NR2F1-AS1: variants seen among roughly 807,000 people sequenced by gnomAD.
NR2F1-AS1 encodes NR2F1 antisense RNA 1.
At chr5:93,478,425 A>G (rs1349608935) in intron 4 of NR2F1-AS1, among the ~76,000 whole-genome samples, 1 of 152,066 alleles carries the variant, frequency 6.6e-6, no homozygotes, top group Non-Finnish European at 1.5e-5. Flanking sequence ...GTTTGTTTTG[A>G]GACAGTCTTG....
intron 4 of NR2F1-AS1, among the ~76,000 whole-genome samples, chr5:93,484,232 A>G (rs943969118): frequency 6.6e-6 from 1 of 152,214 alleles, no homozygotes; most frequent in African/African-American, 2.4e-5. Context: ...AGGGAAGCCC[A>G]TCAGACTAAC....
intron 2 of NR2F1-AS1, among the ~76,000 whole-genome samples, chr5:93,555,669 A>G (rs1247119085): frequency 2.0e-5 from 3 of 152,172 alleles, no homozygotes; most frequent in Non-Finnish European, 4.4e-5. Context: ...GGCTTGACCT[A>G]ATGGTATATG....
At chr5:93,480,224 A>G (rs575130699) in intron 4 of NR2F1-AS1, among the ~76,000 whole-genome samples, 1 of 152,354 alleles carries the variant, frequency 6.6e-6, no homozygotes, top group African/African-American at 2.4e-5. Flanking sequence ...CATTATAATC[A>G]AACTGCTGAT....
chr5:93,556,016 A>G (rs911040829), intron 2 of NR2F1-AS1, among the ~76,000 whole-genome samples: 1 of 151,824 alleles, frequency 6.6e-6, no homozygotes, highest in African/African-American at 2.4e-5. Context: ...AGCCTCACCC[A>G]GGATCCCTTG....
At chr5:93,565,624 C>A (rs1752600627) in intron 1 of NR2F1-AS1, among the ~76,000 whole-genome samples, 1 of 151,660 alleles carries the variant, frequency 6.6e-6, no homozygotes, top group Non-Finnish European at 1.5e-5. Flanking sequence ...CTTCATATAC[C>A]ATTTTGTATG....
intron 2 of NR2F1-AS1, among the ~76,000 whole-genome samples, chr5:93,562,269 T>C (rs993697170): frequency 6.6e-6 from 1 of 151,768 alleles, no homozygotes; most frequent in East Asian, 1.9e-4. Context: ...TTATTTAAGA[T>C]ACATACTAAA....
At chr5:93,489,902 T>C (rs1007961240) in intron 4 of NR2F1-AS1, among the ~76,000 whole-genome samples, 1 of 152,174 alleles carries the variant, frequency 6.6e-6, no homozygotes, top group Non-Finnish European at 1.5e-5. Flanking sequence ...CAGTTGCTCG[T>C]GATTTTATGT....
intron 4 of NR2F1-AS1, among the ~76,000 whole-genome samples, chr5:93,455,567 T>C (rs1254624660): frequency 1.3e-5 from 2 of 152,088 alleles, no homozygotes; most frequent in Non-Finnish European, 2.9e-5. Flanking sequence ...AGAAACTTAC[T>C]TTAAACATAA....
chr5:93,540,990 T>C (rs1751939004), intron 4 of NR2F1-AS1, among the ~76,000 whole-genome samples: 1 of 152,188 alleles, frequency 6.6e-6, no homozygotes, highest in African/African-American at 2.4e-5. Flanking sequence ...TTCAAAACAC[T>C]TTCCAACGTT....
At chr5:93,581,620 C>G (rs963693678), upstream of NR2F1-AS1, among the ~76,000 whole-genome samples, 2 of 151,072 alleles carry the variant, frequency 1.3e-5, no homozygotes, top group Non-Finnish European at 3.0e-5. Flanking sequence ...CCCGCCTGCC[C>G]CTCCTCCCGC....
chr5:93,569,658 G>A (rs1752698529), intron 1 of NR2F1-AS1, among the ~76,000 whole-genome samples: 2 of 152,142 alleles, frequency 1.3e-5, no homozygotes, highest in Non-Finnish European at 2.9e-5. Flanking sequence ...TCCCAAGGAA[G>A]GCACTATAAA....
chr5:93,531,328 T>C (rs1751731911), intron 4 of NR2F1-AS1, among the ~76,000 whole-genome samples: 2 of 152,148 alleles, frequency 1.3e-5, no homozygotes, highest in African/African-American at 4.8e-5. Flanking sequence ...TATTTGACTG[T>C]TCTAAAACGA....
chr5:93,446,386 A>G (rs1168288492), intron 4 of NR2F1-AS1, among the ~76,000 whole-genome samples: 1 of 152,214 alleles, frequency 6.6e-6, no homozygotes, highest in Non-Finnish European at 1.5e-5. Context: ...CAAAAATCAC[A>G]AGCATTCCTA....
chr5:93,445,663 C>A, intron 4 of NR2F1-AS1, among the ~76,000 whole-genome samples: 1 of 151,944 alleles, frequency 6.6e-6, no homozygotes, highest in East Asian at 1.9e-4. Flanking sequence ...GTATTCCAAC[C>A]AATATAAAAA....
At chr5:93,524,907 C>G (rs1751579458) in intron 4 of NR2F1-AS1, among the ~76,000 whole-genome samples, 1 of 152,136 alleles carries the variant, frequency 6.6e-6, no homozygotes, top group African/African-American at 2.4e-5. Flanking sequence ...AAAAACATAC[C>G]AAATTGTAAA....
chr5:93,523,150 G>A (rs974090374), intron 4 of NR2F1-AS1, among the ~76,000 whole-genome samples: 2 of 152,162 alleles, frequency 1.3e-5, no homozygotes, highest in African/African-American at 2.4e-5. Flanking sequence ...TGGGATGCTT[G>A]AGCTTGGTGG....
intron 4 of NR2F1-AS1, among the ~76,000 whole-genome samples, chr5:93,518,514 G>C (rs1751441310): frequency 6.6e-6 from 1 of 151,992 alleles, no homozygotes; most frequent in South Asian, 2.1e-4. Context: ...ATTTTCCAAA[G>C]ATCATACAAT....
intron 1 of NR2F1-AS1, among the ~76,000 whole-genome samples, chr5:93,574,263 G>A (rs1040081724): frequency 6.6e-6 from 1 of 152,222 alleles, no homozygotes; most frequent in South Asian, 2.1e-4. Context: ...GGAGGCACCC[G>A]ACTGGGCCTC....
intron 4 of NR2F1-AS1, among the ~76,000 whole-genome samples, chr5:93,508,133 T>C (rs1218586490): frequency 1.3e-5 from 2 of 152,264 alleles, no homozygotes; most frequent in East Asian, 3.9e-4. Flanking sequence ...ATAATTCACA[T>C]GTAAAAGAAA....
Sources: allele counts gnomAD v4.1 joint callset (sites outside exome capture counted in the v4.1 genomes callset), GRCh38; gene constraint gnomAD v4.1.1; transcripts MANE v1.5; gene names NCBI Gene and HGNC (gene_info 2026-07-23, HGNC 2026-07-21).